Variants in HS6ST3 observed in about 807,000 individuals in gnomAD.
The protein encoded by HS6ST3 is heparan-sulfate 6-O-sulfotransferase 3.
In HS6ST3, 12 loss-of-function variants were observed where a neutral mutation model predicts 36.7. The ratio of observed to expected loss-of-function variants is 0.33; its 90% CI spans 0.21 to 0.53. The LOEUF is 0.53. Ranked by LOEUF, HS6ST3 falls within the 20% of genes least tolerant of loss-of-function variation. HS6ST3 has a pLI of 0.95. For missense variants in HS6ST3, 584 were observed against 640.9 expected (o/e 0.91, Z 0.96); for synonymous variants, 240 against 257.5 (o/e 0.93, Z 0.65).
chr13:96,182,049 C>T (rs537532253), intron 1 of HS6ST3, among the ~76,000 whole-genome samples: 55 of 152,200 alleles, frequency 3.6e-4, no homozygotes, highest in Non-Finnish European at 6.2e-4. Context: ...ATGACAGCCT[C>T]GAAAAAGTTC....
chr13:96,203,578 G>A (rs2054354029), intron 1 of HS6ST3, among the ~76,000 whole-genome samples: 1 of 152,160 alleles, frequency 6.6e-6, no homozygotes, highest in East Asian at 1.9e-4. Context: ...TGCTTCCACT[G>A]TCTTCTTTCA....
intron 1 of HS6ST3, among the ~76,000 whole-genome samples, chr13:96,254,524 T>C (rs2054627752): frequency 8.1e-6 from 1 of 124,142 alleles, no homozygotes; most frequent in African/African-American, 3.1e-5. Context: ...CACACACTTT[T>C]TTCTTTTCAC....
At chr13:96,326,491 T>TA (rs905479089) in intron 1 of HS6ST3, among the ~76,000 whole-genome samples, 26 of 152,098 alleles carry the variant, frequency 1.7e-4, no homozygotes, top group Middle Eastern at 3.4e-3. Context: ...TCCATGTCCC[T>TA]ACAAAGGACA....
intron 1 of HS6ST3, among the ~76,000 whole-genome samples, chr13:96,095,863 G>GGTTGTGT (rs147486822): frequency 7.1e-6 from 1 of 140,316 alleles, no homozygotes; most frequent in African/African-American, 2.7e-5. Context: ...TTATATGACT[G>GGTTGTGT]GTGTGTGTGT....
chr13:96,106,048 G>A (rs2053840032), intron 1 of HS6ST3, among the ~76,000 whole-genome samples: 1 of 152,212 alleles, frequency 6.6e-6, no homozygotes, highest in African/African-American at 2.4e-5. Flanking sequence ...TGGTTGTAGA[G>A]CTGTATATAG....
chr13:96,344,776 G>T (rs1406661134), intron 1 of HS6ST3, among the ~76,000 whole-genome samples: 3 of 152,100 alleles, frequency 2.0e-5, no homozygotes, highest in African/African-American at 4.8e-5. Context: ...CAATGTTGTT[G>T]TTCAGGAATA....
rs1016059616 is a variant in HS6ST3, at chr13:96,220,399, GC to G, written c.707+128831del. Among the ~76,000 whole-genome samples the G allele has an allele frequency of 1.5e-4, 23 of 152,228 alleles. 1 individual carries two copies. Among genetic ancestry groups the G allele is most frequent in the African/African-American group, 5.1e-4 (21 of 41,542 alleles). On this transcript the variant is annotated intron_variant, in intron 1 of 1. Transcript: ENST00000376705. ...CTTGGCTTTTGGGTTGTAAAGGAAG[GC>G]ACTTTTTTTCTCTAAGGGTGTGAGG...
chr13:96,578,558 C>T (rs73558478), intron 1 of HS6ST3, among the ~76,000 whole-genome samples: 28 of 151,976 alleles, frequency 1.8e-4, no homozygotes, highest in East Asian at 9.7e-4. Context: ...CTTTTATTTA[C>T]TTATTTATTT....
At chr13:96,448,251 T>C (rs2055708841) in intron 1 of HS6ST3, among the ~76,000 whole-genome samples, 1 of 152,216 alleles carries the variant, frequency 6.6e-6, no homozygotes, top group African/African-American at 2.4e-5. Flanking sequence ...CTGTCTTAAC[T>C]TCTATGCCGC....
intron 1 of HS6ST3, among the ~76,000 whole-genome samples, chr13:96,644,879 G>T (rs1566419328): frequency 6.6e-6 from 1 of 151,922 alleles, no homozygotes. Context: ...TGCAGGAATA[G>T]CATGCTTCCA....
intron 1 of HS6ST3, among the ~76,000 whole-genome samples, chr13:96,575,301 G>A (rs1055878770): frequency 6.6e-6 from 1 of 152,220 alleles, no homozygotes; most frequent in Admixed American, 6.5e-5. Flanking sequence ...CTGCACACAG[G>A]TGTGAAAGGA....
At chr13:96,720,433 C>A (rs1384222596) in intron 1 of HS6ST3, among the ~76,000 whole-genome samples, 1 of 152,098 alleles carries the variant, frequency 6.6e-6, no homozygotes, top group East Asian at 1.9e-4. Flanking sequence ...CATATTCATT[C>A]TCCCACCATC....
At chr13:96,328,674 A>C (rs1293856679) in intron 1 of HS6ST3, among the ~76,000 whole-genome samples, 1 of 152,044 alleles carries the variant, frequency 6.6e-6, no homozygotes, top group Admixed American at 6.5e-5. Context: ...CGGCTTTGGT[A>C]TCAGGATGAT....
At chr13:96,094,505 A>G (rs894398654) in intron 1 of HS6ST3, among the ~76,000 whole-genome samples, 1 of 152,204 alleles carries the variant, frequency 6.6e-6, no homozygotes, top group Admixed American at 6.5e-5. Context: ...GTTGAAAATT[A>G]TGGACATTTG....
At chr13:96,230,597 G>A (rs2066495960) in intron 1 of HS6ST3, among the ~76,000 whole-genome samples, 1 of 152,156 alleles carries the variant, frequency 6.6e-6, no homozygotes, top group Admixed American at 6.6e-5. Context: ...GAGGTCCAAG[G>A]ATGGAATTTG....
chr13:96,490,703 C>T (rs971546946), intron 1 of HS6ST3, among the ~76,000 whole-genome samples: 3 of 152,142 alleles, frequency 2.0e-5, no homozygotes, highest in Non-Finnish European at 4.4e-5. Flanking sequence ...TATCATCTGG[C>T]CTATAAATAG....
At chr13:96,550,706 T>G (rs1379249242) in intron 1 of HS6ST3, among the ~76,000 whole-genome samples, 1 of 152,062 alleles carries the variant, frequency 6.6e-6, no homozygotes, top group South Asian at 2.1e-4. Context: ...ATGTATTGAG[T>G]GAAGGGAGGA....
At position 96,687,090 on chromosome 13, in the gene HS6ST3, CT is replaced by C. The variant is rs68182332; in HGVS notation, c.708-145385del. Among the ~76,000 whole-genome samples, 124 of 148,920 alleles carry C rather than the reference CT, an allele frequency of 8.3e-4. 1 individual carries two copies. Among genetic ancestry groups the C allele is most frequent in the African/African-American group, 3.0e-3 (122 of 40,756 alleles). On this transcript the variant is annotated intron_variant, in intron 1 of 1. Transcript: ENST00000376705. ...ATATATACTGAAAAAGCAAGAAGTG[CT>C]TTTTTTTTTTTTTTACAAATATGGT...
chr13:96,222,625 C>CTA (rs1172967006), intron 1 of HS6ST3, among the ~76,000 whole-genome samples: 1 of 152,178 alleles, frequency 6.6e-6, no homozygotes, highest in African/African-American at 2.4e-5. Context: ...ATTGCTCTTT[C>CTA]TATAGGAGTA....
Sources: allele counts gnomAD v4.1 joint callset (sites outside exome capture counted in the v4.1 genomes callset), GRCh38; gene constraint gnomAD v4.1.1; transcripts MANE v1.5; gene names NCBI Gene and HGNC (gene_info 2026-07-23, HGNC 2026-07-21).